LINGO2: variants seen among roughly 807,000 people sequenced by gnomAD.
LINGO2 encodes the protein leucine rich repeat and Ig domain containing 2.
A neutral mutation model predicts 30.6 loss-of-function variants in LINGO2; 14 were observed. That is an observed-to-expected ratio of 0.46 (90% CI 0.30 to 0.72). LINGO2 has a LOEUF of 0.72. Ranked by LOEUF, LINGO2 falls within the 30% of genes least tolerant of loss-of-function variation. LINGO2 has a pLI of 0.07. For synonymous variants in LINGO2, 317 were observed against 288.5 expected, an observed-to-expected ratio of 1.10 and a Z score of -1.00; for missense variants, 729 against 751.7, an observed-to-expected ratio of 0.97 and a Z score of 0.35.
chr9:28,643,756 A>G (rs965619184), intron 1 of LINGO2, among the ~76,000 whole-genome samples: 2 of 152,100 alleles, frequency 1.3e-5, no homozygotes, highest in African/African-American at 4.8e-5. Flanking sequence ...CAACCCACAG[A>G]ATGGGAGAAG....
At chr9:28,755,345 C>T in the LINGO2 span, among the ~76,000 whole-genome samples, 46 of 152,164 alleles carry the variant, frequency 3.0e-4, 3 homozygotes, top group African/African-American at 9.7e-4. Flanking sequence ...ACTAGCTCTG[C>T]GGCCTTGAGC....
chr9:28,205,351 A>G (rs1820373619), intron 4 of LINGO2, among the ~76,000 whole-genome samples: 1 of 152,134 alleles, frequency 6.6e-6, no homozygotes, highest in Non-Finnish European at 1.5e-5. Context: ...TACATCTGAT[A>G]CTTCCCATCC....
chr9:28,031,153 A>G (rs1040629625), intron 4 of LINGO2, among the ~76,000 whole-genome samples: 5 of 152,156 alleles, frequency 3.3e-5, no homozygotes, highest in African/African-American at 1.2e-4. Flanking sequence ...AGCCTTCAAA[A>G]TGGGAGAAAC....
the LINGO2 span, among the ~76,000 whole-genome samples, chr9:28,683,982 G>A: frequency 7.2e-5 from 11 of 151,828 alleles, no homozygotes; most frequent in Non-Finnish European, 1.6e-4. Context: ...TAAGCTTTTG[G>A]TTTCCTGCTT....
chr9:28,286,659 G>T (rs1216493329), intron 4 of LINGO2, among the ~76,000 whole-genome samples: 11 of 152,136 alleles, frequency 7.2e-5, no homozygotes, highest in Admixed American at 6.5e-4. Flanking sequence ...GTTCTTTGCA[G>T]GGACATGGAT....
chr9:29,150,515 G>A, the LINGO2 span, among the ~76,000 whole-genome samples: 4 of 152,072 alleles, frequency 2.6e-5, no homozygotes, highest in South Asian at 8.3e-4. Flanking sequence ...ACCAATCCAG[G>A]TAACCCAGTG....
chr9:29,027,548 G>A, the LINGO2 span, among the ~76,000 whole-genome samples: 1 of 152,102 alleles, frequency 6.6e-6, no homozygotes, highest in Non-Finnish European at 1.5e-5. Context: ...ATGTTGGCCA[G>A]GCTGGTCTTG....
the LINGO2 span, among the ~76,000 whole-genome samples, chr9:28,958,727 G>C: frequency 6.6e-6 from 1 of 152,044 alleles, no homozygotes; most frequent in Admixed American, 6.6e-5. Context: ...AAGGAGAGAA[G>C]GGGAGAAGAA....
chr9:29,185,382 T>TA, the LINGO2 span, among the ~76,000 whole-genome samples: 1 of 152,078 alleles, frequency 6.6e-6, no homozygotes, highest in Non-Finnish European at 1.5e-5. Context: ...CAACAAAATA[T>TA]AAAAAACTAG....
At chr9:29,150,091 G>C in the LINGO2 span, among the ~76,000 whole-genome samples, 1 of 152,172 alleles carries the variant, frequency 6.6e-6, no homozygotes, top group Non-Finnish European at 1.5e-5. Context: ...ATGTTGCTGA[G>C]TAGGAGCCCG....
intron 3 of LINGO2, among the ~76,000 whole-genome samples, chr9:28,345,183 T>C (rs1298025009): frequency 6.6e-6 from 1 of 152,110 alleles, no homozygotes; most frequent in East Asian, 1.9e-4. Flanking sequence ...AGAAACCATG[T>C]AGCACCCAAC....
chr9:28,849,119 T>C, the LINGO2 span, among the ~76,000 whole-genome samples: 1 of 152,038 alleles, frequency 6.6e-6, no homozygotes, highest in African/African-American at 2.4e-5. Flanking sequence ...GTTCTATGTG[T>C]AGATCTTCCA....
chr9:28,982,074 A>C, the LINGO2 span, among the ~76,000 whole-genome samples: 1 of 152,086 alleles, frequency 6.6e-6, no homozygotes, highest in African/African-American at 2.4e-5. Context: ...TGTTTCTCAA[A>C]ATGCAGTGCC....
intron 2 of LINGO2, among the ~76,000 whole-genome samples, chr9:28,426,900 C>A (rs1036466935): frequency 6.6e-6 from 1 of 152,070 alleles, no homozygotes; most frequent in Non-Finnish European, 1.5e-5. Flanking sequence ...TGTCTTTCCT[C>A]TGAAACTGAA....
chr9:28,706,321 T>G, the LINGO2 span, among the ~76,000 whole-genome samples: 1 of 152,094 alleles, frequency 6.6e-6, no homozygotes, highest in Admixed American at 6.6e-5. Context: ...TAGTAGCCAT[T>G]CAAAAAAGGT....
At chr9:29,070,756 AC>A in the LINGO2 span, among the ~76,000 whole-genome samples, 879 of 151,880 alleles carry the variant, frequency 5.8e-3, 9 homozygotes, top group African/African-American at 0.02. Context: ...AAAAAAAAGA[AC>A]CTGAAAATTG....
intron 1 of LINGO2, among the ~76,000 whole-genome samples, chr9:28,606,587 T>C (rs537765450): frequency 6.6e-6 from 1 of 152,070 alleles, no homozygotes; most frequent in Non-Finnish European, 1.5e-5. Flanking sequence ...TTTGTCTTGA[T>C]ACAATCAATT....
At chr9:28,059,037 T>C (rs1340930925) in intron 4 of LINGO2, among the ~76,000 whole-genome samples, 2 of 152,124 alleles carry the variant, frequency 1.3e-5, no homozygotes, top group Non-Finnish European at 2.9e-5. Flanking sequence ...TATTTTATAA[T>C]AGAAGTGTTT....
chr9:28,845,785 TA>T, the LINGO2 span, among the ~76,000 whole-genome samples: 46 of 150,916 alleles, frequency 3.0e-4, 1 homozygote, highest in East Asian at 3.3e-3. Flanking sequence ...TCAATTGGTA[TA>T]AAAAAATAAA....
Sources: gnomAD v4.1 joint callset for allele counts (sites outside exome capture counted in the v4.1 genomes callset) on GRCh38, gnomAD v4.1.1 for gene constraint, MANE v1.5 for transcripts, NCBI Gene and HGNC (gene_info 2026-07-23, HGNC 2026-07-21) for gene names.